Variants in ATP8B4 observed in about 807,000 individuals in gnomAD.
The protein encoded by ATP8B4 is ATPase phospholipid transporting 8B4 (putative).
A neutral mutation model predicts 145.6 loss-of-function variants in ATP8B4; 133 were observed. That is an observed-to-expected ratio of 0.91 (90% CI 0.79 to 1.05). The LOEUF is 1.05. ATP8B4 is among the 50% of genes least tolerant of loss of function. The probability of loss-of-function intolerance (pLI) is 0.00; values close to 1 mark genes in which losing one functional copy is unlikely to be tolerated. For synonymous variants in ATP8B4, 507 were observed against 492.9 expected (o/e 1.03, Z -0.38); for missense variants, 1,458 against 1,425.2 (o/e 1.02, Z -0.37).
At chr15:50,000,991 A>C (rs1397919249) in intron 8 of ATP8B4, among the ~76,000 whole-genome samples, 1 of 151,878 alleles carries the variant, frequency 6.6e-6, no homozygotes, top group Admixed American at 6.6e-5. Context: ...TTTTACCTTT[A>C]TAATGTCTTC....
In ATP8B4 at chr15:49,979,610, A is replaced by C. The variant is rs1350246940; in HGVS notation, c.1034+7T>G. 6.9e-7 allele frequency: 1 copy of C among 1,446,486 alleles called. No homozygotes were observed. Among genetic ancestry groups the C allele is most frequent in the East Asian group, 2.3e-5 (1 of 43,226 alleles). 89.6% of individuals were successfully genotyped at this position (1,446,486 alleles called of 1,614,324 possible). A position where few individuals can be genotyped will look rare whatever the true frequency, so the allele number is the denominator to read the frequency against. On this transcript the variant is annotated splice_region_variant and intron_variant, in intron 12 of 27. Transcript: ENST00000284509. Reference sequence around the variant, plus strand: ...TTATTTCATTAAAATATAAACTCTCATCTTACCTCACATATAAGGAAATGG... The same window carrying C: ...TTATTTCATTAAAATATAAACTCTCCTCTTACCTCACATATAAGGAAATGG...
At chr15:49,975,241 C>T (rs4238378) in intron 12 of ATP8B4, among the ~76,000 whole-genome samples, 80,182 of 151,904 alleles carry the variant, frequency 0.53, 23,758 homozygotes, top group African/African-American at 0.79. Context: ...TTTAAAGTAC[C>T]TCAATTAGTA....
intron 3 of ATP8B4, among the ~76,000 whole-genome samples, chr15:50,065,696 G>T (rs1330400695): frequency 6.6e-6 from 1 of 151,920 alleles, no homozygotes; most frequent in Non-Finnish European, 1.5e-5. Context: ...GCAAAATTCT[G>T]CCATCAAAAA....
At chr15:50,017,342 T>A (rs1475303587) in intron 6 of ATP8B4, among the ~76,000 whole-genome samples, 1 of 152,242 alleles carries the variant, frequency 6.6e-6, no homozygotes, top group Non-Finnish European at 1.5e-5. Context: ...CTTTCTTATA[T>A]GAAGAACATA....
chr15:49,873,468 A>G (rs1305761895), intron 25 of ATP8B4, among the ~76,000 whole-genome samples: 1 of 152,248 alleles, frequency 6.6e-6, no homozygotes, highest in Non-Finnish European at 1.5e-5. Flanking sequence ...TTCAAAGAAT[A>G]TTTTATAAAT....
intron 3 of ATP8B4, among the ~76,000 whole-genome samples, chr15:50,056,097 T>C (rs1021899233): frequency 1.3e-5 from 2 of 151,942 alleles, no homozygotes; most frequent in African/African-American, 2.4e-5. Context: ...ACACTCATCA[T>C]CACCACCACC....
At chr15:49,873,584 C>T (rs1469776619) in intron 25 of ATP8B4, among the ~76,000 whole-genome samples, 1 of 151,998 alleles carries the variant, frequency 6.6e-6, no homozygotes, top group Non-Finnish European at 1.5e-5. Flanking sequence ...TTTGTGATTA[C>T]ATGTGAATTT....
At chr15:50,058,346 T>C (rs899098377) in intron 3 of ATP8B4, among the ~76,000 whole-genome samples, 6 of 152,176 alleles carry the variant, frequency 3.9e-5, no homozygotes, top group African/African-American at 1.4e-4. Flanking sequence ...TTTGGACAAC[T>C]TAGTGCAGAT....
intron 6 of ATP8B4, among the ~76,000 whole-genome samples, chr15:50,019,698 G>A (rs1261850468): frequency 6.6e-6 from 1 of 152,058 alleles, no homozygotes; most frequent in East Asian, 1.9e-4. Flanking sequence ...AATCTCTCTG[G>A]TCATCCTGTA....
In ATP8B4 at chr15:50,119,155, GA is replaced by G. The variant is rs902383826; in HGVS notation, c.-76del. 5.9e-5 allele frequency: 9 copies of G among 152,140 alleles called. No homozygotes were observed. Among genetic ancestry groups the G allele is most frequent in the African/African-American group, 2.2e-4 (9 of 41,400 alleles). 9.4% of individuals were successfully genotyped at this position (152,140 alleles called of 1,614,324 possible). A position where few individuals can be genotyped will look rare whatever the true frequency, so the allele number is the denominator to read the frequency against. On this transcript the variant is annotated 5_prime_UTR_variant, in exon 1 of 28. Coordinates refer to ENST00000284509, the MANE Select transcript of ATP8B4 (RefSeq NM_024837.4). Reference sequence around the variant, plus strand: ...CAGACTTAATCCTCTCCCCCAAAAGGAAGATTTCTCAGCAGTGCAGGAAGAT... The same window carrying G: ...CAGACTTAATCCTCTCCCCCAAAAGGAGATTTCTCAGCAGTGCAGGAAGAT...
At chr15:49,883,037 G>C (rs983870693) in intron 23 of ATP8B4, 1 of 152,122 alleles carries the variant, frequency 6.6e-6, no homozygotes, top group South Asian at 2.1e-4. Flanking sequence ...CCACACCCCA[G>C]GCCAATTAAA....
At chr15:50,016,004 T>A (rs28648406) in intron 6 of ATP8B4, among the ~76,000 whole-genome samples, 5,526 of 152,260 alleles carry the variant, frequency 0.036, 358 homozygotes, top group African/African-American at 0.13. Flanking sequence ...GAATTTAGTT[T>A]AACAATTTGC....
At chr15:50,165,963 C>CT (rs2044590837) in intron 1 of ATP8B4, among the ~76,000 whole-genome samples, 2 of 78,916 alleles carry the variant, frequency 2.5e-5, no homozygotes, top group African/African-American at 8.7e-5. Context: ...CTCAGAGAAT[C>CT]CCAGAGAACA....
intron 1 of ATP8B4, among the ~76,000 whole-genome samples, chr15:50,172,367 C>G (rs1441490758): frequency 6.6e-6 from 1 of 152,278 alleles, no homozygotes; most frequent in Non-Finnish European, 1.5e-5. Flanking sequence ...TGGTCTCCAG[C>G]TCCTGACCGC....
At chr15:50,025,579 A>T (rs1326785438) in intron 6 of ATP8B4, among the ~76,000 whole-genome samples, 1 of 152,218 alleles carries the variant, frequency 6.6e-6, no homozygotes, top group East Asian at 1.9e-4. Context: ...GCTCAAATGT[A>T]CTACTCCCTT....
chr15:50,146,631 G>A (rs12440837), intron 1 of ATP8B4, among the ~76,000 whole-genome samples: 107,891 of 152,154 alleles, frequency 0.71, 38,572 homozygotes, highest in East Asian at 0.96. Flanking sequence ...TGATCTTGCT[G>A]GTGTTGCAGG....
chr15:49,920,229 T>G lies in ATP8B4; in HGVS notation c.1923+17A>C, dbSNP rs1360441285. ...TCTTTCCTGTAAACACAAACCATCA[T>G]GCTTCTAAACTCATACCATCAAATC... On this transcript the variant is annotated intron_variant, in intron 18 of 27. Transcript: ENST00000284509. The G allele has an allele frequency of 6.2e-7, 1 of 1,612,236 alleles. No individual in the cohort carries two copies. The highest frequency in any genetic ancestry group is 1.3e-5 in the African/African-American group (1 of 74,908).
chr15:49,863,898 C>T (rs550871747), intron 26 of ATP8B4, among the ~76,000 whole-genome samples: 3 of 152,254 alleles, frequency 2.0e-5, no homozygotes, highest in South Asian at 2.1e-4. Flanking sequence ...ACTGAAATGG[C>T]TTGTGCTTAG....
intron 1 of ATP8B4, among the ~76,000 whole-genome samples, chr15:50,160,520 T>C (rs539601680): frequency 2.6e-4 from 40 of 152,120 alleles, no homozygotes; most frequent in Non-Finnish European, 4.6e-4. Flanking sequence ...GATACTGCTA[T>C]AAACTTGCTT....
Sources: allele counts gnomAD v4.1 joint callset (sites outside exome capture counted in the v4.1 genomes callset), GRCh38; gene constraint gnomAD v4.1.1; transcripts MANE v1.5; gene names NCBI Gene and HGNC (gene_info 2026-07-23, HGNC 2026-07-21).